CNGB3: variants seen among roughly 807,000 people sequenced by gnomAD.
CNGB3 encodes the protein cyclic nucleotide-gated channel beta-3.
CNGB3 carries 86 observed loss-of-function variants against 92.8 expected under a neutral mutation model. That is an observed-to-expected ratio of 0.93 (90% CI 0.78 to 1.11). The LOEUF (loss-of-function observed/expected upper bound fraction) is 1.11. Ranked by LOEUF, CNGB3 falls within the 50% of genes least tolerant of loss-of-function variation. The pLI, the probability that CNGB3 is intolerant of heterozygous loss-of-function variation, is 0.00. For synonymous variants in CNGB3, 333 were observed against 332.7 expected (o/e 1.00, Z -0.01); for missense variants, 1,026 against 956.8 (o/e 1.07, Z -0.95).
intron 3 of CNGB3, 75 bp downstream of exon 3, chr8:86,726,456 A>C: frequency 3.2e-6 from 5 of 1,582,262 alleles, no homozygotes; most frequent in Non-Finnish European, 4.3e-6. Context: ...TAAAGGGGAG[A>C]GTGGATATTT....
chr8:86,651,735 AAATTG>A (rs1325739289), intron 7 of CNGB3, among the ~76,000 whole-genome samples: 4 of 151,924 alleles, frequency 2.6e-5, no homozygotes, highest in African/African-American at 9.7e-5. Context: ...GAACTGTAGA[AAATTG>A]AATTGAAGTA....
chr8:86,717,348 G>A (rs1824874759), intron 3 of CNGB3, among the ~76,000 whole-genome samples: 1 of 151,894 alleles, frequency 6.6e-6, no homozygotes, highest in African/African-American at 2.4e-5. Flanking sequence ...GATCACTTGA[G>A]GTCAGGAGTT....
chr8:86,671,887 A>G (rs898100723), intron 3 of CNGB3, among the ~76,000 whole-genome samples: 1 of 152,188 alleles, frequency 6.6e-6, no homozygotes, highest in Non-Finnish European at 1.5e-5. Context: ...GCCTTGTGAG[A>G]CCTGAAGCCA....
intron 7 of CNGB3, among the ~76,000 whole-genome samples, chr8:86,652,972 A>T (rs148236532): frequency 1.3e-3 from 199 of 152,252 alleles, no homozygotes; most frequent in African/African-American, 4.6e-3. Flanking sequence ...CTGGCAGCCC[A>T]GTAGGTTTGT....
At chr8:86,578,965 G>T in intron 16 of CNGB3, 102 bp from the exon 17 acceptor site, 1 of 1,530,138 alleles carries the variant, frequency 6.5e-7, no homozygotes. Context: ...AGTTTCAATG[G>T]GTACCTACAT....
intron 13 of CNGB3, among the ~76,000 whole-genome samples, chr8:86,622,490 G>A (rs546993810): frequency 2.0e-5 from 3 of 151,642 alleles, no homozygotes; most frequent in South Asian, 2.1e-4. Flanking sequence ...ACCTTCCCCG[G>A]CAAGACAAAA....
In CNGB3 at chr8:86,593,588, C is replaced by G. The variant is rs546861994; in HGVS notation, c.1781+10505G>C. Among the ~76,000 whole-genome samples the G allele has an allele frequency of 1.2e-3, 189 of 152,204 alleles. 1 individual carries two copies. Among genetic ancestry groups the G allele is most frequent in the Non-Finnish European group, 2.1e-3 (146 of 68,024 alleles). On this transcript the variant is annotated intron_variant, in intron 15 of 17. Coordinates refer to ENST00000320005, the MANE Select transcript of CNGB3 (RefSeq NM_019098.5). ...CTCTCCTTCGAGGTCTTTATTGCCA[C>G]TAGGTACAAATGGCCATGAGAGGTG... is the stretch of plus-strand genomic sequence containing the variant.
At chr8:86,674,760 T>C (rs1563750441) in intron 3 of CNGB3, among the ~76,000 whole-genome samples, 3 of 152,086 alleles carry the variant, frequency 2.0e-5, no homozygotes, top group East Asian at 3.9e-4. Context: ...TTAACTTTTG[T>C]GTGTGTGTGT....
chr8:86,623,792 C>A (rs545501657), intron 13 of CNGB3, among the ~76,000 whole-genome samples: 1 of 152,300 alleles, frequency 6.6e-6, no homozygotes, highest in Non-Finnish European at 1.5e-5. Context: ...TCTTCTTGTT[C>A]CTCAGGCCTA....
intron 3 of CNGB3, among the ~76,000 whole-genome samples, chr8:86,715,409 G>A (rs1055942299): frequency 1.3e-5 from 2 of 152,068 alleles, no homozygotes; most frequent in Non-Finnish European, 2.9e-5. Context: ...CTGAAGTCCT[G>A]TAGCTCCACT....
chr8:86,684,194 C>T lies in CNGB3; in HGVS notation c.339-13096G>A, dbSNP rs1586014293. On this transcript the variant is annotated intron_variant, in intron 3 of 17. Coordinates refer to ENST00000320005, the MANE Select transcript of CNGB3 (RefSeq NM_019098.5). Reference sequence around the variant, plus strand: ...TTATGAAGTGGGTAAAACACATGAACAGACATTTCACGGAAGATGATATGC... The same window carrying T: ...TTATGAAGTGGGTAAAACACATGAATAGACATTTCACGGAAGATGATATGC... 1.3e-5 allele frequency among the ~76,000 whole-genome samples: 2 copies of T among 152,180 alleles called. 1 individual carries two copies. Among genetic ancestry groups the T allele is most frequent in the Non-Finnish European group, 2.9e-5 (2 of 67,986 alleles).
chr8:86,681,251 G>A (rs913344368), intron 3 of CNGB3, among the ~76,000 whole-genome samples: 3 of 152,108 alleles, frequency 2.0e-5, no homozygotes, highest in African/African-American at 7.2e-5. Context: ...TATTGCGAAA[G>A]GGAATAGATA....
At chr8:86,598,646 T>C (rs1320110649) in intron 15 of CNGB3, among the ~76,000 whole-genome samples, 1 of 152,150 alleles carries the variant, frequency 6.6e-6, no homozygotes, top group East Asian at 1.9e-4. Context: ...TCTTGCCTCT[T>C]CCAGCTTCTA....
At chr8:86,726,754 A>G in intron 2 of CNGB3, 97 bp from the exon 3 acceptor site, 2 of 1,408,566 alleles carry the variant, frequency 1.4e-6, no homozygotes, top group South Asian at 1.2e-5. Context: ...CTTGTTTTTT[A>G]GAATAGTCTT....
intron 3 of CNGB3, among the ~76,000 whole-genome samples, chr8:86,717,673 A>G (rs748583389): frequency 4.6e-5 from 7 of 152,162 alleles, no homozygotes; most frequent in Non-Finnish European, 8.8e-5. Context: ...ATACCCTACA[A>G]CAAATGGACT....
chr8:86,616,722 C>A (rs1229999067), intron 13 of CNGB3, among the ~76,000 whole-genome samples: 2 of 152,118 alleles, frequency 1.3e-5, no homozygotes, highest in Non-Finnish European at 2.9e-5. Context: ...CTTATCCTTA[C>A]CTGTTTAATT....
chr8:86,680,055 T>C (rs1197974340), intron 3 of CNGB3, among the ~76,000 whole-genome samples: 1 of 152,196 alleles, frequency 6.6e-6, no homozygotes, highest in Non-Finnish European at 1.5e-5. Flanking sequence ...GCCTGTGATA[T>C]TTCAGTCAGT....
intron 6 of CNGB3, among the ~76,000 whole-genome samples, chr8:86,656,938 C>T (rs925249849): frequency 6.6e-6 from 1 of 152,146 alleles, no homozygotes; most frequent in Non-Finnish European, 1.5e-5. Flanking sequence ...GGTGGCCCTA[C>T]CCTGGAATAT....
intron 7 of CNGB3, among the ~76,000 whole-genome samples, chr8:86,652,627 C>T (rs1483478561): frequency 2.0e-5 from 3 of 151,790 alleles, no homozygotes; most frequent in Non-Finnish European, 4.4e-5. Context: ...AAGACACAAG[C>T]ACACAAATTA....
Sources: allele counts gnomAD v4.1 joint callset (sites outside exome capture counted in the v4.1 genomes callset), GRCh38; gene constraint gnomAD v4.1.1; transcripts MANE v1.5; gene names NCBI Gene and HGNC (gene_info 2026-07-23, HGNC 2026-07-21).